PPP2R5C: variants seen among roughly 807,000 people sequenced by gnomAD.
PPP2R5C encodes the protein protein phosphatase 2 regulatory subunit B'gamma.
In PPP2R5C, 7 loss-of-function variants were observed where a neutral mutation model predicts 68.9. The observed-to-expected ratio is 0.10, with a 90% CI of 0.06 to 0.19. The LOEUF is 0.19. PPP2R5C is among the 10% of genes least tolerant of loss of function. PPP2R5C has a pLI of 1.00. For synonymous variants in PPP2R5C, 210 were observed against 222.2 expected, an observed-to-expected ratio of 0.95 and a Z score of 0.49; for missense variants, 348 against 641.3, an observed-to-expected ratio of 0.54 and a Z score of 4.94.
At chr14:101,821,198 G>T (rs1359979210) in intron 1 of PPP2R5C, 1 of 152,100 alleles carries the variant, frequency 6.6e-6, no homozygotes, top group Non-Finnish European at 1.5e-5. Flanking sequence ...ACCTAACCCT[G>T]AGCCTTCCTC....
At chr14:101,857,909 CCTT>C (rs766641335) in intron 2 of PPP2R5C, among the ~76,000 whole-genome samples, 2 of 152,056 alleles carry the variant, frequency 1.3e-5, no homozygotes, top group Non-Finnish European at 2.9e-5. Flanking sequence ...ACTTTTATTT[CCTT>C]CTTTAGTATG....
At chr14:101,912,516 G>A in intron 12 of PPP2R5C, 43 bp downstream of exon 14, 1 of 1,565,594 alleles carries the variant, frequency 6.4e-7, no homozygotes, top group Non-Finnish European at 8.6e-7. Context: ...AGGGTTACTT[G>A]AATGTTTTTA....
chr14:101,868,229 C>T (rs1050241420), intron 2 of PPP2R5C, among the ~76,000 whole-genome samples: 11 of 152,106 alleles, frequency 7.2e-5, no homozygotes, highest in Non-Finnish European at 1.2e-4. Flanking sequence ...ATCATGCATT[C>T]CCAAGTACTT....
chr14:101,811,366 G>T (rs772839764), intron 1 of PPP2R5C, among the ~76,000 whole-genome samples: 4 of 152,170 alleles, frequency 2.6e-5, no homozygotes, highest in Non-Finnish European at 4.4e-5. Flanking sequence ...GGGAGACAGG[G>T]TCTCACTCTT....
At chr14:101,761,514 C>G (rs2036524652), upstream of PPP2R5C, among the ~76,000 whole-genome samples, 1 of 141,330 alleles carries the variant, frequency 7.1e-6, no homozygotes, top group African/African-American at 2.6e-5. Context: ...GAGCGGGGAG[C>G]GTTAGGGTAC....
chr14:101,800,015 T>C (rs1305463349), intron 3 of PPP2R5C, among the ~76,000 whole-genome samples: 1 of 152,240 alleles, frequency 6.6e-6, no homozygotes, highest in African/African-American at 2.4e-5. Context: ...TCCCAGTAAT[T>C]TGGGAGACCA....
chr14:101,766,000 G>A (rs2139937210), intron 2 of PPP2R5C: 1 of 152,394 alleles, frequency 6.6e-6, no homozygotes, highest in East Asian at 1.9e-4. Context: ...AGCCTTGAGA[G>A]ATGTGCAGAG....
chr14:101,802,142 C>T (rs565206471), intron 3 of PPP2R5C, among the ~76,000 whole-genome samples: 2 of 152,298 alleles, frequency 1.3e-5, no homozygotes, highest in South Asian at 2.1e-4. Flanking sequence ...TGGCCGGGCG[C>T]GGTGGCTCAC....
Position 101,816,870 on chromosome 14 carries a change from T to TTA in PPP2R5C, c.94+6844_94+6845dup, listed in dbSNP as rs562594859. Among the ~76,000 whole-genome samples, 80 of 139,138 alleles carry TTA rather than the reference T, an allele frequency of 5.7e-4. No homozygotes were observed. The South Asian group carries it at 0.011, about 19-fold the overall frequency. The allele number at this position is 139,138 out of a possible 152,430, so 91.3% of individuals were successfully genotyped here. A position where few individuals can be genotyped will look rare whatever the true frequency, so the allele number is the denominator to read the frequency against. On this transcript the variant is annotated intron_variant, in intron 1 of 13. Coordinates refer to ENST00000334743, the Ensembl canonical transcript of PPP2R5C. ...GAGAGAAATAAATATATATATTTAT[T>TTA]TATATATATATTATATATATATTAT...
In PPP2R5C at chr14:101,831,714, A is replaced by G. The variant is rs942415824; in HGVS notation, c.94+21678A>G. ...AACCAAATGCAGATTGCAAATGCAC[A>G]AGATTCGAGACCTATGTATACAGAG... On this transcript the variant is annotated intron_variant, in intron 1 of 13. Transcript: ENST00000334743. 40 of 696,694 alleles carry G rather than the reference A, an allele frequency of 5.7e-5. No homozygotes were observed. The African/African-American group carries it at 5.8e-4, about 10-fold the overall frequency. The allele number at this position is 696,694 out of a possible 1,614,324, so 43.2% of individuals were successfully genotyped here.
chr14:101,883,204 C>T (rs943971804), intron 3 of PPP2R5C, 53 bp from the exon 6 acceptor site: 27 of 1,259,538 alleles, frequency 2.1e-5, no homozygotes, highest in African/African-American at 1.7e-4. Flanking sequence ...ATATTTTAAC[C>T]GCCATTCAAT....
intron 9 of PPP2R5C, among the ~76,000 whole-genome samples, chr14:101,905,938 T>C (rs2045997096): frequency 6.6e-6 from 1 of 152,172 alleles, no homozygotes. Context: ...GACTTATCGT[T>C]TCTAGTAAAT....
chr14:101,775,914 GTCT>G (rs2037392241), intron 2 of PPP2R5C, among the ~76,000 whole-genome samples: 1 of 151,922 alleles, frequency 6.6e-6, no homozygotes, highest in South Asian at 2.1e-4. Flanking sequence ...GGGACCCCGT[GTCT>G]GTTCAGTGGA....
intron 11 of PPP2R5C, among the ~76,000 whole-genome samples, chr14:101,910,560 C>CAT (rs2046324136): frequency 6.6e-6 from 1 of 152,074 alleles, no homozygotes; most frequent in Non-Finnish European, 1.5e-5. Flanking sequence ...GGGCCGGGTG[C>CAT]GGTGGCTCAC....
At chr14:101,766,423 A>G (rs1225634540) in intron 2 of PPP2R5C, 1 of 152,196 alleles carries the variant, frequency 6.6e-6, no homozygotes, top group Non-Finnish European at 1.5e-5. Context: ...AGATTAGGCT[A>G]TTTTTAAATG....
chr14:101,848,378 A>C lies in PPP2R5C; in HGVS notation c.95-8308A>C, dbSNP rs915465681. Among the ~76,000 whole-genome samples the C allele has an allele frequency of 5.3e-5, 8 of 152,036 alleles. No homozygotes were observed. In the South Asian group the frequency reaches 1.5e-3, roughly 28 times the overall value. ...AAACCCCATCTCTACTAAAAATACA[A>C]AAATTAGCCAGGCGTGGTGGCGAGC... is the stretch of plus-strand genomic sequence containing the variant. On this transcript the variant is annotated intron_variant, in intron 1 of 13. Transcript: ENST00000334743.
upstream of PPP2R5C, among the ~76,000 whole-genome samples, chr14:101,760,964 C>G (rs1470444574): frequency 1.3e-5 from 1 of 74,996 alleles, no homozygotes; most frequent in Non-Finnish European, 2.5e-5. Context: ...ACGGGCTGGT[C>G]GAGGGGAGGG....
intron 3 of PPP2R5C, among the ~76,000 whole-genome samples, chr14:101,788,495 C>T (rs1158278984): frequency 6.6e-6 from 1 of 152,224 alleles, no homozygotes; most frequent in African/African-American, 2.4e-5. Context: ...CTGCACAAGC[C>T]TCTTTCTACA....
At chr14:101,809,404 A>AG, upstream of PPP2R5C, among the ~76,000 whole-genome samples, 1 of 150,052 alleles carries the variant, frequency 6.7e-6, no homozygotes, top group African/African-American at 2.5e-5. Flanking sequence ...AAAAAAAAAA[A>AG]CAAAAAAAAA....
Sources: gnomAD v4.1 joint callset for allele counts (sites outside exome capture counted in the v4.1 genomes callset) on GRCh38, gnomAD v4.1.1 for gene constraint, MANE v1.5 for transcripts, NCBI Gene and HGNC (gene_info 2026-07-23, HGNC 2026-07-21) for gene names.